Variants in ELMO1 observed in about 807,000 individuals in gnomAD.
ELMO1 encodes the protein engulfment and cell motility protein 1.
A neutral mutation model predicts 98.9 loss-of-function variants in ELMO1; 26 were observed. The observed-to-expected ratio is 0.26, with a 90% confidence interval of 0.19 to 0.36. ELMO1 has a LOEUF of 0.36. ELMO1 is among the 10% of genes least tolerant of loss of function. The pLI is 1.00. For synonymous variants in ELMO1, 346 were observed against 346.0 expected (o/e 1.00, Z 0.00); for missense variants, 627 against 935.2 (o/e 0.67, Z 4.30).
intron 16 of ELMO1, among the ~76,000 whole-genome samples, chr7:37,011,783 A>G (rs1397061440): frequency 6.6e-6 from 1 of 152,204 alleles, no homozygotes; most frequent in Non-Finnish European, 1.5e-5. Context: ...CCCTTAGCCA[A>G]TTTCAAAGAC....
intron 6 of ELMO1, among the ~76,000 whole-genome samples, chr7:37,257,996 G>A (rs1296102181): frequency 3.3e-5 from 5 of 150,726 alleles, no homozygotes; most frequent in South Asian, 2.1e-4. Flanking sequence ...TAGGCCGGGC[G>A]TGGTGACTCA....
chr7:37,347,749 G>A (rs907042358), intron 1 of ELMO1, among the ~76,000 whole-genome samples: 8 of 151,988 alleles, frequency 5.3e-5, no homozygotes, highest in African/African-American at 1.9e-4. Flanking sequence ...GCATGCAAAC[G>A]GACTAATACA....
At chr7:37,031,913 A>G (rs1197829063) in intron 15 of ELMO1, among the ~76,000 whole-genome samples, 1 of 152,212 alleles carries the variant, frequency 6.6e-6, no homozygotes, top group African/African-American at 2.4e-5. Flanking sequence ...AAACATGACC[A>G]CAGGAGAAGG....
intron 14 of ELMO1, among the ~76,000 whole-genome samples, chr7:37,119,190 T>C (rs1785821713): frequency 2.0e-5 from 3 of 152,218 alleles, no homozygotes; most frequent in Non-Finnish European, 4.4e-5. Flanking sequence ...GCTCCCTGAC[T>C]GGAAAGGCTG....
intron 5 of ELMO1, among the ~76,000 whole-genome samples, chr7:37,268,929 T>A (rs1432637473): frequency 6.6e-6 from 1 of 151,774 alleles, no homozygotes; most frequent in Non-Finnish European, 1.5e-5. Flanking sequence ...AAAACAGCAG[T>A]GTGTGTGTGT....
intron 1 of ELMO1, among the ~76,000 whole-genome samples, chr7:37,346,019 G>C (rs976973806): frequency 4.6e-5 from 7 of 151,804 alleles, no homozygotes; most frequent in African/African-American, 1.7e-4. Context: ...CATCTGAGAG[G>C]TGAGGATGGG....
chr7:36,864,470 T>C (rs1168154605), intron 20 of ELMO1, among the ~76,000 whole-genome samples: 1 of 152,212 alleles, frequency 6.6e-6, no homozygotes, highest in Admixed American at 6.5e-5. Flanking sequence ...ATTAATTCTC[T>C]GAGCTGCATG....
intron 13 of ELMO1, among the ~76,000 whole-genome samples, chr7:37,150,084 C>T (rs1269618617): frequency 2.0e-5 from 3 of 152,090 alleles, no homozygotes; most frequent in African/African-American, 7.2e-5. Flanking sequence ...AATTTCTTCT[C>T]CTCTTTTTTT....
intron 17 of ELMO1, among the ~76,000 whole-genome samples, chr7:36,890,386 C>A (rs1271116734): frequency 6.6e-6 from 1 of 152,192 alleles, no homozygotes; most frequent in African/African-American, 2.4e-5. Context: ...CCCTACTGAG[C>A]AACTACCCAC....
chr7:37,209,594 A>G (rs781223310), intron 13 of ELMO1, among the ~76,000 whole-genome samples: 13 of 152,212 alleles, frequency 8.5e-5, no homozygotes, highest in African/African-American at 3.1e-4. Context: ...TAATTTTGAT[A>G]TGACTTGAGG....
At chr7:37,134,199 A>C (rs1046093041) in intron 13 of ELMO1, among the ~76,000 whole-genome samples, 1 of 152,204 alleles carries the variant, frequency 6.6e-6, no homozygotes, top group African/African-American at 2.4e-5. Flanking sequence ...TATGGAAAAC[A>C]CTATGGAGAT....
At chr7:36,987,654 T>C (rs986248613) in intron 16 of ELMO1, among the ~76,000 whole-genome samples, 1 of 152,118 alleles carries the variant, frequency 6.6e-6, no homozygotes, top group African/African-American at 2.4e-5. Context: ...AGCTGAACTA[T>C]CCATCTACAA....
intron 11 of ELMO1, among the ~76,000 whole-genome samples, chr7:37,213,913 G>A (rs530381171): frequency 1.3e-5 from 2 of 152,310 alleles, no homozygotes; most frequent in East Asian, 1.9e-4. Context: ...ATGGGGAAAA[G>A]TTTTAGAAGG....
intron 1 of ELMO1, among the ~76,000 whole-genome samples, chr7:37,424,535 T>C (rs552069283): frequency 6.6e-6 from 1 of 152,314 alleles, no homozygotes; most frequent in Admixed American, 6.5e-5. Flanking sequence ...CTCAAGAATT[T>C]GTCAATATTA....
chr7:36,879,683 T>C (rs943334670), intron 18 of ELMO1, among the ~76,000 whole-genome samples: 2 of 152,220 alleles, frequency 1.3e-5, no homozygotes, highest in African/African-American at 4.8e-5. Flanking sequence ...TTCTGAAGCA[T>C]AGTCAGAGTA....
At chr7:37,083,736 C>T (rs995547244) in intron 15 of ELMO1, among the ~76,000 whole-genome samples, 2 of 152,230 alleles carry the variant, frequency 1.3e-5, no homozygotes, top group Admixed American at 1.3e-4. Context: ...GAGAGACAGG[C>T]AGCCAGAAGA....
Position 36,870,470 on chromosome 7 carries a change from C to T in ELMO1, c.1828G>A (p.Val610Met). ...PHDSLQDKLP[V>M]ADIKAVVTGK... is the part of the protein sequence containing the mutation. The stretch of plus-strand genomic sequence containing the variant: ...GTCACCACGGCTTTGATATCTGCCA[C>T]CGGCACTGCAATTCATAAAAGAAAA... The change falls in exon 20 of 22, where the codon GTG (valine) becomes ATG (methionine). Residue 610 changes from valine (V) to methionine (M), a missense_variant. Physicochemically the swap from Val to Met is conservative, Grantham distance 21. Transcript: ENST00000310758. The surrounding 1 kb of genome is among the most constrained non-coding windows in gnomAD (Gnocchi z 4.4). The T allele has an allele frequency of 1.2e-6, 2 of 1,613,394 alleles. No homozygotes were observed. The highest frequency in any genetic ancestry group is 1.7e-6 in the Non-Finnish European group (2 of 1,179,810).
At chr7:37,294,043 T>C (rs1318944399) in intron 4 of ELMO1, among the ~76,000 whole-genome samples, 3 of 152,184 alleles carry the variant, frequency 2.0e-5, no homozygotes, top group Non-Finnish European at 2.9e-5. Context: ...ATCTGATGTT[T>C]TCTCTCATTC....
intron 15 of ELMO1, among the ~76,000 whole-genome samples, chr7:37,027,692 A>G (rs1252060026): frequency 6.6e-6 from 1 of 152,162 alleles, no homozygotes; most frequent in African/African-American, 2.4e-5. Flanking sequence ...TTTGCTACCC[A>G]AGCTCGTGTG....
Sources: gnomAD v4.1 joint callset for allele counts (sites outside exome capture counted in the v4.1 genomes callset) on GRCh38, gnomAD v4.1.1 for gene constraint, Gnocchi (gnomAD v3.1) non-coding constraint, MANE v1.5 for transcripts, NCBI Gene and HGNC (gene_info 2026-07-23, HGNC 2026-07-21) for gene names.